Variants in MBD5 observed in about 807,000 individuals in gnomAD.
The protein encoded by MBD5 is methyl-CpG-binding domain protein 5.
Under a neutral mutation model 117.3 loss-of-function variants are expected in MBD5, and 13 were observed. The observed-to-expected ratio is 0.11, with a 90% CI of 0.07 to 0.18. MBD5 has a LOEUF of 0.18. Among genes scored for constraint, MBD5 ranks in the 10% least tolerant of loss-of-function variants. The probability of loss-of-function intolerance (pLI) is 1.00; values close to 1 mark genes in which losing one functional copy is unlikely to be tolerated. For synonymous variants in MBD5, 727 were observed against 766.4 expected, an observed-to-expected ratio of 0.95 and a Z score of 0.85; for missense variants, 1,879 against 2,093.8, an observed-to-expected ratio of 0.90 and a Z score of 2.00.
intron 2 of MBD5, among the ~76,000 whole-genome samples, chr2:148,215,554 G>A (rs76156841): frequency 6.6e-6 from 1 of 151,470 alleles, no homozygotes; most frequent in Admixed American, 6.6e-5. Context: ...GTTTTTTTTC[G>A]AGACAAGGTC....
intron 4 of MBD5, chr2:148,346,016 T>C (rs1395820974): frequency 5.9e-5 from 9 of 151,892 alleles, no homozygotes; most frequent in Non-Finnish European, 1.3e-4. Flanking sequence ...TAATCTCTTT[T>C]GGCAGCACCC....
chr2:148,392,503 G>C (rs1030735746), intron 4 of MBD5, among the ~76,000 whole-genome samples: 3 of 152,122 alleles, frequency 2.0e-5, no homozygotes, highest in African/African-American at 7.2e-5. Context: ...TGATTCTTAG[G>C]CTACTGTTTG....
chr2:148,375,619 G>A (rs1703968108), intron 4 of MBD5, among the ~76,000 whole-genome samples: 2 of 152,100 alleles, frequency 1.3e-5, no homozygotes, highest in Admixed American at 1.3e-4. Context: ...CTAGTTTTCT[G>A]ATTTCTGCCT....
At chr2:148,393,241 A>G (rs1436262905) in intron 4 of MBD5, 3 of 152,156 alleles carry the variant, frequency 2.0e-5, no homozygotes, top group African/African-American at 7.2e-5. Context: ...TGGCAATCCT[A>G]TGGGAAGGTA....
At chr2:148,157,558 C>G (rs574875744) in intron 1 of MBD5, among the ~76,000 whole-genome samples, 1 of 152,090 alleles carries the variant, frequency 6.6e-6, no homozygotes, top group Non-Finnish European at 1.5e-5. Flanking sequence ...GCAAAGCATC[C>G]GCCATAAAAA....
rs570706495 is a variant in MBD5, at chr2:148,481,027, CTTT to C, written c.2519-2081_2519-2079del. ...CTAATGTCAATAATGATGATAACTC[CTTT>C]TATTTTTATAGACTTTTCCATATTT... is the stretch of plus-strand genomic sequence containing the variant. On this transcript the variant is annotated intron_variant, in intron 8 of 13. Transcript: ENST00000642680. Among the ~76,000 whole-genome samples the C allele has an allele frequency of 1.9e-3, 291 of 152,220 alleles. 1 individual carries two copies. Among genetic ancestry groups the C allele is most frequent in the African/African-American group, 6.8e-3 (282 of 41,566 alleles).
At chr2:148,207,494 C>T (rs895147720) in intron 2 of MBD5, among the ~76,000 whole-genome samples, 2 of 150,028 alleles carry the variant, frequency 1.3e-5, no homozygotes, top group African/African-American at 2.4e-5. Context: ...TCGGTTACAA[C>T]ACCACTAGAC....
At chr2:148,203,733 T>C (rs1699201419) in intron 2 of MBD5, among the ~76,000 whole-genome samples, 2 of 152,190 alleles carry the variant, frequency 1.3e-5, no homozygotes, top group Admixed American at 1.3e-4. Flanking sequence ...TATGCTTCTC[T>C]AAAGCTGAGT....
chr2:148,297,255 T>C (rs1024810159), intron 3 of MBD5, among the ~76,000 whole-genome samples: 5 of 152,206 alleles, frequency 3.3e-5, no homozygotes, highest in African/African-American at 9.6e-5. Flanking sequence ...CAATTCTGAA[T>C]ATTAGTCCTC....
chr2:148,042,476 G>A (rs186069358), intron 1 of MBD5, among the ~76,000 whole-genome samples: 120 of 151,282 alleles, frequency 7.9e-4, no homozygotes, highest in African/African-American at 2.8e-3. Context: ...TTTTTTAATG[G>A]CCTTGGTTAC....
At chr2:148,042,855 C>G (rs1348827245) in intron 1 of MBD5, among the ~76,000 whole-genome samples, 1 of 152,146 alleles carries the variant, frequency 6.6e-6, no homozygotes, top group Non-Finnish European at 1.5e-5. Flanking sequence ...GATCTGGTAG[C>G]TAGTCAGGTT....
chr2:148,502,494 G>A lies in MBD5; in HGVS notation c.5021G>A (p.Arg1674Gln), dbSNP rs750291645. 3.0e-5 allele frequency: 49 copies of A among 1,613,944 alleles called. No homozygotes were observed. Among genetic ancestry groups the A allele is most frequent in the Non-Finnish European group, 3.8e-5 (45 of 1,179,978 alleles). ...TEGLEAYSRV[R>Q]KRNRKSGKLN... is the part of the protein sequence containing the mutation. ...GGTTTGGAAGCCTACAGCCGTGTCCGGAAAAGGAACAGAAAGTAAGCACTT... is the reference window on the plus strand; with the variant it reads ...GGTTTGGAAGCCTACAGCCGTGTCCAGAAAAGGAACAGAAAGTAAGCACTT... The change falls in exon 12 of 14, where the codon CGG (arginine) becomes CAG (glutamine). Residue 1674 changes from arginine (R) to glutamine (Q), a missense_variant. Coordinates refer to ENST00000642680, the MANE Select transcript of MBD5 (RefSeq NM_001378120.1).
In MBD5 at chr2:148,251,084, C is replaced by T. The variant is rs72856340; in HGVS notation, c.-680+17689C>T. Among the ~76,000 whole-genome samples the T allele has an allele frequency of 3.9e-3, 596 of 151,388 alleles. 1 individual carries two copies. The highest frequency in any genetic ancestry group is 6.5e-3 in the Non-Finnish European group (441 of 67,892). On this transcript the variant is annotated intron_variant, in intron 3 of 13. Coordinates refer to ENST00000642680, the MANE Select transcript of MBD5 (RefSeq NM_001378120.1). The stretch of plus-strand genomic sequence containing the variant: ...GTATAGTGCTATAGGTACTAAAAAA[C>T]GCTTAATAAATATTCTTTTAAAATA...
chr2:148,335,037 G>C (rs1238035077), intron 3 of MBD5, among the ~76,000 whole-genome samples: 1 of 152,054 alleles, frequency 6.6e-6, no homozygotes, highest in Non-Finnish European at 1.5e-5. Flanking sequence ...AATATATGTA[G>C]AGCTTAATCT....
chr2:148,051,397 A>G (rs574028921), intron 1 of MBD5, among the ~76,000 whole-genome samples: 25 of 143,728 alleles, frequency 1.7e-4, no homozygotes, highest in Admixed American at 1.4e-3. Context: ...ATGTCTTTTC[A>G]TTTCTGTTTT....
intron 1 of MBD5, among the ~76,000 whole-genome samples, chr2:148,056,875 AT>A (rs1335497664): frequency 6.6e-6 from 1 of 151,696 alleles, no homozygotes; most frequent in Non-Finnish European, 1.5e-5. Flanking sequence ...GTGTGAGAGC[AT>A]TTTTAACTTT....
intron 8 of MBD5, 72 bp from the exon 9 acceptor site, chr2:148,483,037 AT>A: frequency 1.3e-6 from 2 of 1,535,234 alleles, no homozygotes; most frequent in Non-Finnish European, 1.8e-6. Context: ...ATGTTAATGC[AT>A]TTTTATGCCT....
At chr2:148,355,493 G>A (rs576723180) in intron 4 of MBD5, among the ~76,000 whole-genome samples, 25 of 152,052 alleles carry the variant, frequency 1.6e-4, no homozygotes, top group African/African-American at 5.8e-4. Context: ...TCTGTTTTCT[G>A]CATATGGCTA....
intron 1 of MBD5, among the ~76,000 whole-genome samples, chr2:148,043,580 A>G (rs1694436924): frequency 6.6e-6 from 1 of 152,212 alleles, no homozygotes; most frequent in Admixed American, 6.5e-5. Flanking sequence ...TTTGAGAATC[A>G]CTGCTCTAGA....
Sources: allele counts gnomAD v4.1 joint callset (sites outside exome capture counted in the v4.1 genomes callset), GRCh38; gene constraint gnomAD v4.1.1; transcripts MANE v1.5; gene names NCBI Gene and HGNC (gene_info 2026-07-23, HGNC 2026-07-21).